Variants in MCM9 observed in about 807,000 individuals in gnomAD.
MCM9 encodes DNA helicase MCM9.
Under a neutral mutation model 72.8 loss-of-function variants are expected in MCM9, and 55 were observed. The observed-to-expected ratio is 0.76, with a 90% CI of 0.61 to 0.95. The LOEUF (loss-of-function observed/expected upper bound fraction) is 0.95. MCM9 is among the 40% of genes least tolerant of loss of function. The pLI, the probability that MCM9 is intolerant of heterozygous loss-of-function variation, is 0.00. For synonymous variants in MCM9, 480 were observed against 503.4 expected, an observed-to-expected ratio of 0.95 and a Z score of 0.62; for missense variants, 1,279 against 1,377.0, an observed-to-expected ratio of 0.93 and a Z score of 1.13.
intron 12 of MCM9, 75 bp from the exon 13 acceptor site, chr6:118,826,367 A>C: frequency 6.2e-6 from 9 of 1,454,468 alleles, no homozygotes; most frequent in Non-Finnish European, 8.2e-6. Context: ...AGGGACCAGC[A>C]ATCCCCGGGG....
chr6:118,872,355 GA>G (rs1777658231), intron 8 of MCM9, among the ~76,000 whole-genome samples: 1 of 151,480 alleles, frequency 6.6e-6, no homozygotes, highest in Non-Finnish European at 1.5e-5. Flanking sequence ...AAGACAGCTG[GA>G]AAATCCCAAA....
intron 8 of MCM9, among the ~76,000 whole-genome samples, chr6:118,885,860 C>T (rs570220975): frequency 9.1e-4 from 139 of 152,146 alleles, no homozygotes; most frequent in Non-Finnish European, 1.8e-3. Flanking sequence ...ACAGACATCA[C>T]CAGAATACTA....
chr6:118,879,448 T>G (rs1041831902), intron 8 of MCM9, among the ~76,000 whole-genome samples: 19 of 152,160 alleles, frequency 1.2e-4, no homozygotes, highest in African/African-American at 4.1e-4. Context: ...AACACAAGAA[T>G]AGCATTCACA....
At position 118,815,399 on chromosome 6, in the gene MCM9, G is replaced by A. The variant is rs1773346607; in HGVS notation, c.2857C>T (p.Pro953Ser). 1 of 1,550,422 alleles carries A rather than the reference G, an allele frequency of 6.4e-7. No individual in the cohort carries two copies. The highest frequency in any genetic ancestry group is 2.0e-5 in the Admixed American group (1 of 50,948). The change falls in exon 14 of 14, where the codon CCT (proline) becomes TCT (serine). Residue 953 changes from proline (P) to serine (S), a missense_variant. By Grantham distance (74) the Pro-to-Ser change is moderately conservative (BLOSUM62 -1). Coordinates refer to ENST00000619706, the MANE Select transcript of MCM9 (RefSeq NM_017696.3). ...CTTGTTCTACGCTGGGAAATTTTAG[G>A]ACTATGAACTGCTATTTTAGTTGCA... ...PGATKIAVHS[P>S]KISQRRTRRD... is the part of the protein sequence containing the mutation.
At chr6:118,914,923 A>C (rs1253176560) in intron 6 of MCM9, among the ~76,000 whole-genome samples, 2 of 152,220 alleles carry the variant, frequency 1.3e-5, no homozygotes, top group African/African-American at 4.8e-5. Flanking sequence ...TCTTGTCTGC[A>C]AAATGGAGAT....
At chr6:118,826,986 C>G in intron 11 of MCM9, 122 bp from the exon 12 acceptor site, 1 of 753,200 alleles carries the variant, frequency 1.3e-6, no homozygotes. Flanking sequence ...CATAATTTTA[C>G]TAGAACAAGC....
chr6:118,924,748 G>A (rs1781738246), intron 3 of MCM9, among the ~76,000 whole-genome samples: 1 of 152,152 alleles, frequency 6.6e-6, no homozygotes, highest in African/African-American at 2.4e-5. Flanking sequence ...AACAGAAAAG[G>A]TGCAAAATGC....
intron 3 of MCM9, among the ~76,000 whole-genome samples, chr6:118,927,370 G>A (rs572330946): frequency 9.2e-5 from 14 of 152,234 alleles, no homozygotes; most frequent in East Asian, 1.9e-4. Context: ...TTGGGAGGCC[G>A]AGGCAGGTGG....
In MCM9 at chr6:118,894,640, C is replaced by T. The variant is rs1779220229; in HGVS notation, c.1150+17010G>A. 3 of 865,974 alleles carry T rather than the reference C, an allele frequency of 3.5e-6. No homozygotes were observed. In the South Asian group the frequency reaches 4.8e-5, roughly 14 times the overall value. The allele number at this position is 865,974 out of a possible 1,614,324, so 53.6% of individuals were successfully genotyped here. ...CGGCGCCTGGCGGCCGCGGGCTGCT[C>T]TGCGGAGGGAAACTTGAAGTTGATG... is the stretch of plus-strand genomic sequence containing the variant. On this transcript the variant is annotated intron_variant, in intron 8 of 13. Coordinates refer to ENST00000619706, the MANE Select transcript of MCM9 (RefSeq NM_017696.3).
intron 8 of MCM9, among the ~76,000 whole-genome samples, chr6:118,898,089 G>T (rs556746070): frequency 6.6e-6 from 1 of 152,148 alleles, no homozygotes; most frequent in Admixed American, 6.5e-5. Context: ...GAAGAAGCCC[G>T]GGGTTTGTAG....
intron 5 of MCM9, chr6:118,919,659 T>G (rs533856478): frequency 6.6e-6 from 1 of 152,356 alleles, no homozygotes; most frequent in Non-Finnish European, 1.5e-5. Context: ...ACAACAGATA[T>G]TCACCTTAAA....
At chr6:118,901,382 G>A (rs1779789805) in intron 8 of MCM9, among the ~76,000 whole-genome samples, 1 of 152,224 alleles carries the variant, frequency 6.6e-6, no homozygotes, top group African/African-American at 2.4e-5. Context: ...GATACGTTTA[G>A]TGGATAGAGA....
chr6:118,825,263 A>C (rs543609165), intron 13 of MCM9, among the ~76,000 whole-genome samples: 1 of 152,308 alleles, frequency 6.6e-6, no homozygotes, highest in South Asian at 2.1e-4. Flanking sequence ...CAAAAGAAAG[A>C]GGGGCGAATT....
intron 9 of MCM9, among the ~76,000 whole-genome samples, chr6:118,849,682 T>G (rs1258649005): frequency 2.0e-5 from 3 of 151,662 alleles, no homozygotes; most frequent in Non-Finnish European, 4.4e-5. Flanking sequence ...TAAGCAACTC[T>G]TGGGAGAAAG....
chr6:118,872,056 G>A (rs1190755193), intron 8 of MCM9, among the ~76,000 whole-genome samples: 1 of 151,974 alleles, frequency 6.6e-6, no homozygotes, highest in Admixed American at 6.6e-5. Flanking sequence ...GGTGGCTCAA[G>A]CCTGTAATCC....
chr6:118,839,965 T>C (rs1775238296), intron 9 of MCM9, among the ~76,000 whole-genome samples: 1 of 152,134 alleles, frequency 6.6e-6, no homozygotes, highest in Non-Finnish European at 1.5e-5. Flanking sequence ...GGAGATCTGC[T>C]GCACTCTTCA....
At chr6:118,852,819 CT>C (rs769387762) in intron 9 of MCM9, among the ~76,000 whole-genome samples, 2 of 152,150 alleles carry the variant, frequency 1.3e-5, no homozygotes, top group Non-Finnish European at 2.9e-5. Context: ...CTCTAACCCC[CT>C]AGCAGAAATT....
chr6:118,815,287 GTC>G lies in MCM9; in HGVS notation c.2967_2968del (p.Glu989AspfsTer23). On this transcript the variant is annotated frameshift_variant, in exon 14 of 14. Transcript: ENST00000619706. LOFTEE classifies it low-confidence loss of function (END_TRUNC). ...TGGTGGCTGCTGCGACACCTCCTTT[GTC>G]TCACCCTGTGGCTGACTGGAGATCT... 6.4e-7 allele frequency: 1 copy of G among 1,550,540 alleles called. No individual in the cohort carries two copies. The highest frequency in any genetic ancestry group is 8.7e-7 in the Non-Finnish European group (1 of 1,146,938).
intron 9 of MCM9, among the ~76,000 whole-genome samples, chr6:118,840,465 G>C (rs948332174): frequency 6.6e-6 from 1 of 152,048 alleles, no homozygotes; most frequent in Non-Finnish European, 1.5e-5. Context: ...AGTTCCTTTG[G>C]CTACGGCAAA....
Sources: allele counts gnomAD v4.1 joint callset (sites outside exome capture counted in the v4.1 genomes callset), GRCh38; gene constraint gnomAD v4.1.1; transcripts MANE v1.5; gene names NCBI Gene and HGNC (gene_info 2026-07-23, HGNC 2026-07-21).